The following USP32 variants were observed in gnomAD, a reference collection of about 807,000 sequenced individuals.
USP32 encodes ubiquitin specific peptidase 32, also known as ubiquitin carboxyl-terminal hydrolase 32.
A neutral mutation model predicts 204.8 loss-of-function variants in USP32; 59 were observed. The observed-to-expected ratio is 0.29, with a 90% CI of 0.23 to 0.36. USP32 has a LOEUF of 0.36. Among genes scored for constraint, USP32 ranks in the 10% least tolerant of loss-of-function variants. The pLI, the probability that USP32 is intolerant of heterozygous loss-of-function variation, is 1.00. For missense variants in USP32, 1,160 were observed against 1,946.4 expected, an observed-to-expected ratio of 0.60 and a Z score of 7.60; for synonymous variants, 517 against 678.4, an observed-to-expected ratio of 0.76 and a Z score of 3.70.
intron 29 of USP32, among the ~76,000 whole-genome samples, chr17:60,188,815 A>G (rs114672378): frequency 0.016 from 2,364 of 152,332 alleles, 60 homozygotes; most frequent in African/African-American, 0.054. Flanking sequence ...TTTTGTCTAC[A>G]TGACTTTCTA....
intron 11 of USP32, among the ~76,000 whole-genome samples, chr17:60,247,465 C>A (rs565115943): frequency 6.6e-6 from 1 of 152,294 alleles, no homozygotes; most frequent in African/African-American, 2.4e-5. Flanking sequence ...CAGGCATGAG[C>A]CACCTCGCCC....
At chr17:60,237,537 C>T (rs184212413) in intron 11 of USP32, among the ~76,000 whole-genome samples, 1 of 152,256 alleles carries the variant, frequency 6.6e-6, no homozygotes, top group Admixed American at 6.5e-5. Context: ...AGTTTCAAAA[C>T]ATTCTGATAC....
chr17:60,337,814 G>A (rs770440659), intron 2 of USP32, among the ~76,000 whole-genome samples: 10 of 152,000 alleles, frequency 6.6e-5, no homozygotes, highest in Admixed American at 1.3e-4. Flanking sequence ...CTGGGAGGTC[G>A]AGGCTACAAT....
intron 11 of USP32, among the ~76,000 whole-genome samples, chr17:60,248,242 C>A (rs1450911011): frequency 6.6e-6 from 1 of 152,182 alleles, no homozygotes; most frequent in Admixed American, 6.5e-5. Flanking sequence ...AGCTGTTTAT[C>A]ACATTGTGGT....
intron 5 of USP32, among the ~76,000 whole-genome samples, chr17:60,288,173 A>G (rs1247505280): frequency 6.6e-6 from 1 of 151,372 alleles, no homozygotes; most frequent in African/African-American, 2.4e-5. Context: ...CACAACTGTA[A>G]TCGTGACTCA....
At chr17:60,279,748 G>A (rs1275517911) in intron 5 of USP32, among the ~76,000 whole-genome samples, 2 of 151,190 alleles carry the variant, frequency 1.3e-5, no homozygotes, top group African/African-American at 4.9e-5. Flanking sequence ...GAGGTGGGGG[G>A]ATCACTTAAG....
At chr17:60,377,776 C>A (rs9913429) in intron 1 of USP32, among the ~76,000 whole-genome samples, 25,282 of 152,076 alleles carry the variant, frequency 0.17, 4,788 homozygotes, top group African/African-American at 0.46. Context: ...AGGACTCTAT[C>A]TAGGGAAGTC....
chr17:60,332,103 A>C (rs1169897307), intron 2 of USP32, among the ~76,000 whole-genome samples: 2 of 151,804 alleles, frequency 1.3e-5, no homozygotes, highest in Non-Finnish European at 2.9e-5. Context: ...AATAAAATAC[A>C]AAAAATTAGC....
chr17:60,392,264 A>G, upstream of USP32: 1 of 293,422 alleles, frequency 3.4e-6, no homozygotes, highest in East Asian at 1.1e-4. Flanking sequence ...GCCGAGGGTC[A>G]CGGGACCCGA....
At chr17:60,363,022 G>A (rs2089240375) in intron 1 of USP32, among the ~76,000 whole-genome samples, 1 of 151,994 alleles carries the variant, frequency 6.6e-6, no homozygotes, top group African/African-American at 2.4e-5. Context: ...CAGGCACAGT[G>A]GCTCAGGTCT....
chr17:60,336,664 C>T (rs1236534704), intron 2 of USP32, among the ~76,000 whole-genome samples: 1 of 141,838 alleles, frequency 7.1e-6, no homozygotes, highest in Non-Finnish European at 1.5e-5. Context: ...TGCAGTGAGC[C>T]GAGATCCCGC....
chr17:60,331,855 T>C (rs940192677), intron 2 of USP32, among the ~76,000 whole-genome samples: 4 of 148,484 alleles, frequency 2.7e-5, no homozygotes, highest in Admixed American at 2.0e-4. Context: ...GCTGTGATCA[T>C]GCCACTGTAC....
At chr17:60,249,732 T>C in intron 11 of USP32, 1 of 701,686 alleles carries the variant, frequency 1.4e-6, no homozygotes, top group Non-Finnish European at 2.6e-6. Flanking sequence ...TTCTTGTATA[T>C]ATTTGGTCAG....
At chr17:60,218,400 A>T (rs1285523918) in intron 16 of USP32, among the ~76,000 whole-genome samples, 1 of 152,190 alleles carries the variant, frequency 6.6e-6, no homozygotes, top group African/African-American at 2.4e-5. Flanking sequence ...AATAAAAAAT[A>T]AAAAATAAAA....
At chr17:60,367,937 G>GCACTTA (rs2089351016) in intron 1 of USP32, among the ~76,000 whole-genome samples, 1 of 151,940 alleles carries the variant, frequency 6.6e-6, no homozygotes, top group South Asian at 2.1e-4. Context: ...CATTTACACG[G>GCACTTA]CACTTACACT....
upstream of USP32, among the ~76,000 whole-genome samples, chr17:60,395,971 T>C (rs963642936): frequency 3.3e-5 from 5 of 152,044 alleles, no homozygotes; most frequent in Non-Finnish European, 7.4e-5. Context: ...ATTAAGAGAA[T>C]TGATTTTTCA....
At chr17:60,361,927 G>A (rs1348031041) in intron 1 of USP32, among the ~76,000 whole-genome samples, 2 of 152,130 alleles carry the variant, frequency 1.3e-5, no homozygotes, top group East Asian at 3.8e-4. Context: ...AGTGTTAACA[G>A]TATTACTATA....
chr17:60,357,418 A>C (rs1211855558), intron 1 of USP32, among the ~76,000 whole-genome samples: 1 of 152,318 alleles, frequency 6.6e-6, no homozygotes, highest in East Asian at 1.9e-4. Flanking sequence ...GAACCCCTGC[A>C]CTCCAGCCTG....
intron 1 of USP32, among the ~76,000 whole-genome samples, chr17:60,351,574 C>T (rs1406026802): frequency 1.3e-5 from 2 of 149,156 alleles, no homozygotes; most frequent in South Asian, 2.1e-4. Context: ...AGTACAGGCA[C>T]GCACCACCGT....
Sources: allele counts gnomAD v4.1 joint callset (sites outside exome capture counted in the v4.1 genomes callset), GRCh38; gene constraint gnomAD v4.1.1; transcripts MANE v1.5; gene names NCBI Gene and HGNC (gene_info 2026-07-23, HGNC 2026-07-21).